Variants in ITGA9 observed in about 807,000 individuals in gnomAD.
The protein encoded by ITGA9 is integrin subunit alpha 9.
In ITGA9, 56 loss-of-function variants were observed where a neutral mutation model predicts 127.8. That is an observed-to-expected ratio of 0.44 (90% confidence interval 0.35 to 0.55). The LOEUF (loss-of-function observed/expected upper bound fraction) is 0.55. ITGA9 is among the 20% of genes least tolerant of loss of function. The pLI is 0.00. For missense variants in ITGA9, 1,196 were observed against 1,347.1 expected, an observed-to-expected ratio of 0.89 and a Z score of 1.76; for synonymous variants, 508 against 514.5, an observed-to-expected ratio of 0.99 and a Z score of 0.17.
At position 37,503,190 on chromosome 3, in the gene ITGA9, A is replaced by G; in HGVS notation, c.625A>G (p.Met209Val). ...TTCTTTTTGGTAGGAGCTGGTGGTG[A>G]TGGGTGCTCCAGGGTCATTTTATTG... ...AGFFTEELVVMGAPGSFYWAG... is the reference protein window; with the variant it reads ...AGFFTEELVVVGAPGSFYWAG... Residue 209 changes from methionine (M) to valine (V), a missense_variant, in exon 6 of 28, where the codon ATG becomes GTG. Met to Val is a conservative substitution (Grantham distance 21). Coordinates refer to ENST00000264741, the MANE Select transcript of ITGA9 (RefSeq NM_002207.3). 6.2e-7 allele frequency: 1 copy of G among 1,613,856 alleles called. No individual in the cohort carries two copies. Among genetic ancestry groups the G allele is most frequent in the Non-Finnish European group, 8.5e-7 (1 of 1,179,878 alleles).
intron 7 of ITGA9, among the ~76,000 whole-genome samples, chr3:37,506,715 G>A (rs1698847479): frequency 6.6e-6 from 1 of 152,176 alleles, no homozygotes; most frequent in African/African-American, 2.4e-5. Context: ...ACGCTTGTTG[G>A]TTCTTTATCA....
intron 4 of ITGA9, among the ~76,000 whole-genome samples, chr3:37,491,015 T>TG (rs1451955429): frequency 7.0e-6 from 1 of 142,628 alleles, no homozygotes; most frequent in Non-Finnish European, 1.5e-5. Context: ...CTGGCTCTGT[T>TG]GCCCAGGCTG....
intron 15 of ITGA9, among the ~76,000 whole-genome samples, chr3:37,563,573 ATTCT>A (rs1394671022): frequency 6.6e-6 from 1 of 152,156 alleles, no homozygotes; most frequent in Non-Finnish European, 1.5e-5. Flanking sequence ...GGAATGTCTA[ATTCT>A]TTCTCATTTT....
At chr3:37,458,627 C>T (rs531495730) in intron 1 of ITGA9, among the ~76,000 whole-genome samples, 1 of 152,342 alleles carries the variant, frequency 6.6e-6, no homozygotes, top group Non-Finnish European at 1.5e-5. Flanking sequence ...TGACCCACAC[C>T]TCTGTGGCTG....
At chr3:37,710,099 G>A (rs1018720630) in intron 18 of ITGA9, among the ~76,000 whole-genome samples, 1 of 152,212 alleles carries the variant, frequency 6.6e-6, no homozygotes, top group Admixed American at 6.5e-5. Flanking sequence ...CTCAGAATGT[G>A]CCAGGGAGGG....
At chr3:37,527,449 C>G (rs553984615) in intron 13 of ITGA9, among the ~76,000 whole-genome samples, 10 of 152,314 alleles carry the variant, frequency 6.6e-5, no homozygotes, top group African/African-American at 1.7e-4. Context: ...GCTTCTCAGT[C>G]TTGTGTCTTT....
chr3:37,555,661 A>C (rs1226955934), intron 15 of ITGA9, among the ~76,000 whole-genome samples: 2 of 152,224 alleles, frequency 1.3e-5, no homozygotes, highest in Non-Finnish European at 2.9e-5. Context: ...CAAATAATAG[A>C]TTGAGGTCAC....
chr3:37,778,820 C>T (rs932587520), intron 24 of ITGA9, among the ~76,000 whole-genome samples: 1 of 149,416 alleles, frequency 6.7e-6, no homozygotes, highest in Non-Finnish European at 1.5e-5. Flanking sequence ...TTTCCTTTCT[C>T]ATTCTTTTCT....
At chr3:37,700,224 T>A (rs1256139728) in intron 18 of ITGA9, among the ~76,000 whole-genome samples, 1 of 152,212 alleles carries the variant, frequency 6.6e-6, no homozygotes, top group Admixed American at 6.5e-5. Context: ...CCTCAAGTGA[T>A]CCTCCCTCCT....
intron 16 of ITGA9, among the ~76,000 whole-genome samples, chr3:37,653,276 A>G (rs1384521807): frequency 3.3e-5 from 5 of 152,216 alleles, no homozygotes; most frequent in Non-Finnish European, 7.3e-5. Context: ...CCTATTTCAT[A>G]TATAAATTTC....
At chr3:37,719,015 A>G (rs910565292) in intron 18 of ITGA9, among the ~76,000 whole-genome samples, 3 of 152,196 alleles carry the variant, frequency 2.0e-5, no homozygotes, top group African/African-American at 7.2e-5. Context: ...TTAAGAACCA[A>G]TGAAGAATGT....
intron 1 of ITGA9, among the ~76,000 whole-genome samples, chr3:37,455,845 G>A (rs1473497747): frequency 6.6e-6 from 1 of 152,222 alleles, no homozygotes; most frequent in African/African-American, 2.4e-5. Flanking sequence ...CACGGACTCT[G>A]CAGGCGGCAG....
intron 15 of ITGA9, among the ~76,000 whole-genome samples, chr3:37,589,682 G>A (rs572524375): frequency 2.0e-5 from 3 of 152,256 alleles, no homozygotes; most frequent in South Asian, 2.1e-4. Context: ...TCCAGGCAGC[G>A]GAAACAGCCG....
intron 20 of ITGA9, among the ~76,000 whole-genome samples, chr3:37,740,091 T>C (rs1322280380): frequency 6.6e-6 from 1 of 151,938 alleles, no homozygotes; most frequent in African/African-American, 2.4e-5. Flanking sequence ...TTCAGAACAA[T>C]AGGAGGGAGA....
chr3:37,652,112 G>A (rs2125646677), intron 16 of ITGA9, among the ~76,000 whole-genome samples: 1 of 150,052 alleles, frequency 6.7e-6, no homozygotes, highest in African/African-American at 2.4e-5. Context: ...ATAGTAGAGG[G>A]TGGGGTCTTG....
In ITGA9 at chr3:37,779,978, C is replaced by G; in HGVS notation, c.2744C>G (p.Thr915Ser). 6.2e-7 allele frequency: 1 copy of G among 1,613,976 alleles called. No individual in the cohort carries two copies. The highest frequency in any genetic ancestry group is 1.3e-5 in the African/African-American group (1 of 75,038). The change falls in exon 25 of 28, where the codon ACT becomes AGT. Residue 915 changes from threonine (T) to serine (S), a missense_variant. Coordinates refer to ENST00000264741, the MANE Select transcript of ITGA9 (RefSeq NM_002207.3). Reference protein sequence around the residue: ...FSALAKEESRTIDIYMLLNTE... With the variant: ...FSALAKEESRSIDIYMLLNTE... Reference sequence around the variant, plus strand: ...GCTCTTGCTAAAGAAGAAAGTCGTACTATAGACATTTACATGCTGCTGAAC... The same window carrying G: ...GCTCTTGCTAAAGAAGAAAGTCGTAGTATAGACATTTACATGCTGCTGAAC...
intron 1 of ITGA9, among the ~76,000 whole-genome samples, chr3:37,457,503 C>T (rs2125545779): frequency 6.6e-6 from 1 of 152,332 alleles, no homozygotes; most frequent in East Asian, 1.9e-4. Context: ...GGAGCCCTGC[C>T]TTCTCATAAC....
At chr3:37,699,494 C>T (rs981444776) in intron 18 of ITGA9, among the ~76,000 whole-genome samples, 1 of 152,162 alleles carries the variant, frequency 6.6e-6, no homozygotes, top group African/African-American at 2.4e-5. Flanking sequence ...AGCCAGTTCT[C>T]ACCATCACCA....
At chr3:37,713,169 C>T (rs924036346) in intron 18 of ITGA9, among the ~76,000 whole-genome samples, 1 of 152,130 alleles carries the variant, frequency 6.6e-6, no homozygotes, top group Admixed American at 6.5e-5. Context: ...GGGATGATGG[C>T]TCGCTGATGG....
Sources: allele counts gnomAD v4.1 joint callset (sites outside exome capture counted in the v4.1 genomes callset), GRCh38; gene constraint gnomAD v4.1.1; transcripts MANE v1.5; gene names NCBI Gene and HGNC (gene_info 2026-07-23, HGNC 2026-07-21).